Variants in CLCA4 observed in about 807,000 individuals in gnomAD.
CLCA4 encodes the protein calcium-activated chloride channel regulator 4.
Under a neutral mutation model 78.9 loss-of-function variants are expected in CLCA4, and 69 were observed. The observed-to-expected ratio is 0.87, with a 90% CI of 0.72 to 1.07. The LOEUF (loss-of-function observed/expected upper bound fraction) is 1.07. Among genes scored for constraint, CLCA4 ranks in the 50% least tolerant of loss-of-function variants. The probability of loss-of-function intolerance (pLI) is 0.00; values close to 1 mark genes in which losing one functional copy is unlikely to be tolerated. For synonymous variants in CLCA4, 362 were observed against 375.8 expected (o/e 0.96, Z 0.42); for missense variants, 1,133 against 1,095.8 (o/e 1.03, Z -0.48).
intron 1 of CLCA4, among the ~76,000 whole-genome samples, chr1:86,555,160 C>G (rs1649797924): frequency 6.6e-6 from 1 of 152,080 alleles, no homozygotes; most frequent in South Asian, 2.1e-4. Flanking sequence ...TGTAGGTTGT[C>G]TGTTTACTCT....
chr1:86,557,092 T>C (rs547844675), intron 1 of CLCA4, among the ~76,000 whole-genome samples: 71 of 152,284 alleles, frequency 4.7e-4, no homozygotes, highest in African/African-American at 1.6e-3. Flanking sequence ...TCTTTTCTTA[T>C]TTATTAGTCT....
At chr1:86,552,371 A>T (rs1649690417) in intron 1 of CLCA4, among the ~76,000 whole-genome samples, 1 of 152,224 alleles carries the variant, frequency 6.6e-6, no homozygotes, top group Admixed American at 6.5e-5. Flanking sequence ...TAAGGACGTC[A>T]GGACCGGTCC....
chr1:86,577,041 T>C (rs1485911420), intron 11 of CLCA4, among the ~76,000 whole-genome samples: 2 of 152,116 alleles, frequency 1.3e-5, no homozygotes, highest in Admixed American at 6.6e-5. Flanking sequence ...GAGTTGCCCC[T>C]GAGAAAAACT....
At chr1:86,548,818 G>A (rs1430784268) in intron 1 of CLCA4, among the ~76,000 whole-genome samples, 1 of 152,076 alleles carries the variant, frequency 6.6e-6, no homozygotes. Context: ...GTGGTGCAGT[G>A]AGGACAATAT....
At chr1:86,553,413 C>A (rs1163274924) in intron 1 of CLCA4, 4 of 428,006 alleles carry the variant, frequency 9.3e-6, no homozygotes, top group East Asian at 8.5e-5. Context: ...ACAGAAGAGG[C>A]GAGGCAGCAG....
chr1:86,551,900 A>G (rs1649674841), intron 1 of CLCA4, among the ~76,000 whole-genome samples: 1 of 14,000 alleles, frequency 7.1e-5, no homozygotes, highest in Non-Finnish European at 1.4e-4. Context: ...TTCTAATGAC[A>G]AAAAAAATGT....
chr1:86,563,726 C>A lies in CLCA4; in HGVS notation c.514C>A (p.Gln172Lys). ...WGVFDEYNED[Q>K]PFYRAKSKKI... is the part of the protein sequence containing the mutation. The stretch of plus-strand genomic sequence containing the variant: ...AGTGTTTGATGAGTACAATGAAGAT[C>A]AGCCTTTCTACCGTGCTAAGTCAAA... The change falls in exon 4 of 14, where the codon CAG becomes AAG. Residue 172 changes from glutamine (Q) to lysine (K), a missense_variant. Physicochemically the swap from Gln to Lys is moderately conservative, Grantham distance 53. Coordinates refer to ENST00000370563, the MANE Select transcript of CLCA4 (RefSeq NM_012128.4). 1 of 1,610,542 alleles carries A rather than the reference C, an allele frequency of 6.2e-7. No individual in the cohort carries two copies. Among genetic ancestry groups the A allele is most frequent in the Non-Finnish European group, 8.5e-7 (1 of 1,177,846 alleles).
Position 86,575,600 on chromosome 1 carries a change from G to A in CLCA4, c.1951+1G>A. 1 of 1,610,200 alleles carries A rather than the reference G, an allele frequency of 6.2e-7. No individual in the cohort carries two copies. The highest frequency in any genetic ancestry group is 8.5e-7 in the Non-Finnish European group (1 of 1,177,572). On this transcript the variant is annotated splice_donor_variant, in intron 11 of 13. Coordinates refer to ENST00000370563, the MANE Select transcript of CLCA4 (RefSeq NM_012128.4). LOFTEE classifies it high-confidence loss of function. ...TTGGAACTTTTGGATAATGGTGCAGGTAATTCACAGGTTTTTATGAATAAG... is the reference window on the plus strand; with the variant it reads ...TTGGAACTTTTGGATAATGGTGCAGATAATTCACAGGTTTTTATGAATAAG...
chr1:86,572,951 G>C, intron 9 of CLCA4: 1 of 491,814 alleles, frequency 2.0e-6, no homozygotes, highest in African/African-American at 1.9e-5. Flanking sequence ...TATTGCCATG[G>C]GTTTGGTTAA....
At chr1:86,575,831 A>T (rs1650499715) in intron 11 of CLCA4, among the ~76,000 whole-genome samples, 1 of 152,006 alleles carries the variant, frequency 6.6e-6, no homozygotes, top group African/African-American at 2.4e-5. Flanking sequence ...TGGCTCACTT[A>T]TGTAATCCTA....
At chr1:86,563,475 C>T (rs1050831995) in intron 3 of CLCA4, among the ~76,000 whole-genome samples, 186 bp from the exon 4 acceptor site, 1 of 151,774 alleles carries the variant, frequency 6.6e-6, no homozygotes, top group African/African-American at 2.4e-5. Flanking sequence ...TAATATATTA[C>T]ATAATATAGC....
chr1:86,553,061 A>C, intron 1 of CLCA4: 1 of 662,628 alleles, frequency 1.5e-6, no homozygotes, highest in Admixed American at 2.4e-5. Context: ...ATCTCCATGA[A>C]GACCAAGTGG....
chr1:86,565,734 C>A, intron 5 of CLCA4, 68 bp from the exon 6 acceptor site: 2 of 961,986 alleles, frequency 2.1e-6, no homozygotes, highest in Non-Finnish European at 1.5e-6. Flanking sequence ...TTAAATTTTT[C>A]AGGTTTGTAG....
In CLCA4 at chr1:86,565,909, T is replaced by A. The variant is rs1193383143; in HGVS notation, c.843T>A (p.Asp281Glu). 1 of 1,612,704 alleles carries A rather than the reference T, an allele frequency of 6.2e-7. No homozygotes were observed. Among genetic ancestry groups the A allele is most frequent in the Non-Finnish European group, 8.5e-7 (1 of 1,178,988 alleles). ...STWEVISNSE[D>E]FKNTIPMVTP... ...GGGAGGTGATTAGCAATTCTGAGGA[T>A]TTTAAAAACACCATACCCATGGTGA... Residue 281 changes from aspartate (D) to glutamate (E), a missense_variant, in exon 6 of 14, where the codon GAT becomes GAA. Coordinates refer to ENST00000370563, the MANE Select transcript of CLCA4 (RefSeq NM_012128.4).
intron 7 of CLCA4, among the ~76,000 whole-genome samples, chr1:86,569,259 T>C (rs1177346912): frequency 6.6e-6 from 1 of 151,958 alleles, no homozygotes; most frequent in Non-Finnish European, 1.5e-5. Flanking sequence ...ATTTGAAGGA[T>C]GAGAAGAAGC....
chr1:86,571,856 C>T (rs951713645), intron 8 of CLCA4, among the ~76,000 whole-genome samples: 3 of 151,978 alleles, frequency 2.0e-5, no homozygotes, highest in Middle Eastern at 3.2e-3. Context: ...AAATGGATTA[C>T]GTGTTTCCAA....
chr1:86,577,994 G>A lies in CLCA4; in HGVS notation c.2044G>A (p.Gly682Arg). ...ATATAGCTTAAAAGTTCGGGCTCAT[G>A]GAGGAGCAAACACTGCCAGGCTAAA... is the stretch of plus-strand genomic sequence containing the variant. ...GRYSLKVRAH[G>R]GANTARLKLR... The change falls in exon 12 of 14, where the codon GGA becomes AGA. Residue 682 changes from glycine (G) to arginine (R), a missense_variant. Coordinates refer to ENST00000370563, the MANE Select transcript of CLCA4 (RefSeq NM_012128.4). 6.2e-7 allele frequency: 1 copy of A among 1,612,806 alleles called. No homozygotes were observed. Among genetic ancestry groups the A allele is most frequent in the Non-Finnish European group, 8.5e-7 (1 of 1,179,306 alleles).
rs1054432577 is a variant in CLCA4 at position 86,575,476 on chromosome 1, C to G, written c.1828C>G (p.Pro610Ala). Residue 610 changes from proline (P) to alanine (A), a missense_variant, in exon 11 of 14, where the codon CCA becomes GCA. Coordinates refer to ENST00000370563, the MANE Select transcript of CLCA4 (RefSeq NM_012128.4). ...MNKDVNSFPSPMIVYAEILQG... is the reference protein window; with the variant it reads ...MNKDVNSFPSAMIVYAEILQG... ...TAAGGACGTAAACAGTTTCCCCAGC[C>G]CAATGATTGTTTACGCAGAAATTCT... The G allele has an allele frequency of 6.2e-7, 1 of 1,613,446 alleles. No homozygotes were observed.
In CLCA4 at chr1:86,565,923, T is replaced by A. The variant is rs756797338; in HGVS notation, c.857T>A (p.Ile286Lys). The A allele has an allele frequency of 6.2e-7, 1 of 1,613,212 alleles. No individual in the cohort carries two copies. Residue 286 changes from isoleucine (I) to lysine (K), a missense_variant, in exon 6 of 14, where the codon ATA becomes AAA. Transcript: ENST00000370563. ...ISNSEDFKNT[I>K]PMVTPPPPPV... is the part of the protein sequence containing the mutation. ...AATTCTGAGGATTTTAAAAACACCATACCCATGGTGACACCACCTCCTCCA... is the reference window on the plus strand; with the variant it reads ...AATTCTGAGGATTTTAAAAACACCAAACCCATGGTGACACCACCTCCTCCA...
Sources: allele counts gnomAD v4.1 joint callset (sites outside exome capture counted in the v4.1 genomes callset), GRCh38; gene constraint gnomAD v4.1.1; transcripts MANE v1.5; gene names NCBI Gene and HGNC (gene_info 2026-07-23, HGNC 2026-07-21).